DDHD1: variants seen among roughly 807,000 people sequenced by gnomAD.
DDHD1 encodes the protein DDHD domain containing 1, also known as phospholipase DDHD1.
DDHD1 carries 49 observed loss-of-function variants against 96.4 expected under a neutral mutation model. The observed-to-expected ratio is 0.51, with a 90% confidence interval of 0.40 to 0.64. DDHD1 has a LOEUF of 0.64. DDHD1 is among the 30% of genes least tolerant of loss of function. The pLI is 0.00. For synonymous variants in DDHD1, 442 were observed against 446.5 expected (o/e 0.99, Z 0.13); for missense variants, 1,106 against 1,161.2 (o/e 0.95, Z 0.69).
chr14:53,058,506 G>C lies in DDHD1; in HGVS notation c.1963C>G (p.Leu655Val). 1.2e-6 allele frequency: 2 copies of C among 1,612,972 alleles called. No individual in the cohort carries two copies. The highest frequency in any genetic ancestry group is 1.7e-6 in the Non-Finnish European group (2 of 1,179,706). Residue 655 changes from leucine to valine, a missense_variant, in exon 9 of 13, where the codon CTA (leucine) becomes GTA (valine). Leu to Val is a conservative substitution (Grantham distance 32, BLOSUM62 1). This residue lies in a region of DDHD1 where 650 missense variants were observed against 758.8 expected (regional missense o/e 0.86). Coordinates refer to ENST00000673822, the MANE Select transcript of DDHD1 (RefSeq NM_001160148.2). ...GGATCTGTAGGATGAAAAATATTTA[G>C]TAACCGGTTACAAATCTCTCTAGGC... ...ILPREICNRL[L>V]NIFHPTDPVA...
Position 53,061,060 on chromosome 14 carries a change from A to G in DDHD1, c.1842+66T>C, listed in dbSNP as rs549704051. 2.9e-6 allele frequency: 4 copies of G among 1,360,978 alleles called. No individual in the cohort carries two copies. In the South Asian group the frequency reaches 3.8e-5, roughly 13 times the overall value. 84.3% of individuals were successfully genotyped at this position (1,360,978 alleles called of 1,614,324 possible). On this transcript the variant is annotated intron_variant, in intron 8 of 12. Transcript: ENST00000673822. The stretch of plus-strand genomic sequence containing the variant: ...AAACTTTCATTTGAATCCTAAAGGC[A>G]TATTTCACATGACGTTAAAAAAAAT...
intron 1 of DDHD1, among the ~76,000 whole-genome samples, chr14:53,151,947 A>G (rs1359543012): frequency 6.6e-6 from 1 of 152,184 alleles, no homozygotes; most frequent in Non-Finnish European, 1.5e-5. Flanking sequence ...AGCTGGTAGG[A>G]TCACGAAATT....
At position 53,091,815 on chromosome 14, in the gene DDHD1, T is replaced by C; in HGVS notation, c.1259A>G (p.Asp420Gly). ...FVVHGIGQKM[D>G]QGRIIKNTAM... ...TGTATTTTTGATAATTCTTCCTTGG[T>C]CCATTTTCTGCCCAATGCCATGCAC... Residue 420 changes from aspartate (D) to glycine (G), a missense_variant, in exon 4 of 13, where the codon GAC becomes GGC. Coordinates refer to ENST00000673822, the MANE Select transcript of DDHD1 (RefSeq NM_001160148.2). 6.2e-7 allele frequency: 1 copy of C among 1,613,564 alleles called. No individual in the cohort carries two copies. The highest frequency in any genetic ancestry group is 1.1e-5 in the South Asian group (1 of 90,988).
intron 1 of DDHD1, among the ~76,000 whole-genome samples, chr14:53,146,288 G>A (rs1230025907): frequency 2.0e-5 from 3 of 151,936 alleles, no homozygotes; most frequent in Non-Finnish European, 4.4e-5. Flanking sequence ...TGAATTACTT[G>A]AGGTCAGGAG....
chr14:53,066,732 C>T (rs1032115462), intron 6 of DDHD1, among the ~76,000 whole-genome samples: 2 of 151,938 alleles, frequency 1.3e-5, no homozygotes, highest in Non-Finnish European at 2.9e-5. Context: ...TTTGGAAGGC[C>T]GAGGTGGGAG....
At chr14:53,152,124 A>AG in intron 1 of DDHD1, 137 bp downstream of exon 1, 13 of 842,678 alleles carry the variant, frequency 1.5e-5, no homozygotes, top group South Asian at 7.3e-5. Flanking sequence ...CTCCCTGCTC[A>AG]ATCTCCATCC....
chr14:53,092,478 T>C (rs980123164), intron 3 of DDHD1: 29 of 152,350 alleles, frequency 1.9e-4, no homozygotes, highest in African/African-American at 6.3e-4. Context: ...TTTACATTTA[T>C]TTTTTGATAA....
At chr14:53,093,688 T>G in intron 2 of DDHD1, 2 of 419,012 alleles carry the variant, frequency 4.8e-6, no homozygotes, top group South Asian at 2.6e-5. Context: ...ATTGAGTTAC[T>G]TAACTATCAT....
intron 6 of DDHD1, among the ~76,000 whole-genome samples, chr14:53,064,267 A>C (rs1205148081): frequency 6.6e-6 from 1 of 152,060 alleles, no homozygotes; most frequent in African/African-American, 2.4e-5. Flanking sequence ...TGTTTAGATA[A>C]AATAATTTCC....
At chr14:53,113,390 C>CAAAAAAAAAAA (rs60704615) in intron 1 of DDHD1, among the ~76,000 whole-genome samples, 3 of 118,262 alleles carry the variant, frequency 2.5e-5, no homozygotes, top group African/African-American at 7.8e-5. Context: ...CTGTACAAGC[C>CAAAAAAAAAAA]AAAAAAAAAA....
intron 11 of DDHD1, 120 bp from the exon 12 acceptor site, chr14:53,052,047 A>C (rs772532062): frequency 1.4e-6 from 1 of 697,974 alleles, no homozygotes; most frequent in Non-Finnish European, 2.4e-6. Flanking sequence ...AATCTAGCAT[A>C]CATAAAGTAG....
At chr14:53,111,371 A>G (rs1888090014) in intron 1 of DDHD1, among the ~76,000 whole-genome samples, 1 of 151,404 alleles carries the variant, frequency 6.6e-6, no homozygotes, top group Admixed American at 6.6e-5. Context: ...GGTAAAGACT[A>G]TATCCCATAA....
chr14:53,130,156 C>T (rs1293358595), intron 1 of DDHD1, among the ~76,000 whole-genome samples: 1 of 152,180 alleles, frequency 6.6e-6, no homozygotes, highest in Non-Finnish European at 1.5e-5. Flanking sequence ...TGCTCCCCCA[C>T]CCTATAATCT....
At chr14:53,061,227 C>T in intron 7 of DDHD1, 26 bp from the exon 8 acceptor site, 2 of 1,571,790 alleles carry the variant, frequency 1.3e-6, no homozygotes, top group Non-Finnish European at 1.7e-6. Flanking sequence ...AGATTATATA[C>T]ACACACGTAT....
rs897693809 is a variant in DDHD1 at position 53,054,422 on chromosome 14, T to A, written c.2437+16A>T. The A allele has an allele frequency of 6.2e-7, 1 of 1,609,140 alleles. No individual in the cohort carries two copies. The highest frequency in any genetic ancestry group is 8.5e-7 in the Non-Finnish European group (1 of 1,176,300). ...AAGATACAGTATCAACTTAAGGAAA[T>A]AATGTATGAACTAACATGCAGAATC... is the stretch of plus-strand genomic sequence containing the variant. On this transcript the variant is annotated intron_variant, in intron 11 of 12. Coordinates refer to ENST00000673822, the MANE Select transcript of DDHD1 (RefSeq NM_001160148.2).
chr14:53,147,825 T>C (rs777026398), intron 1 of DDHD1, among the ~76,000 whole-genome samples: 2 of 152,210 alleles, frequency 1.3e-5, no homozygotes, highest in African/African-American at 2.4e-5. Context: ...ACGATCCCTA[T>C]AGTCCTGCTT....
intron 1 of DDHD1, among the ~76,000 whole-genome samples, chr14:53,136,932 A>G (rs1890280413): frequency 1.3e-5 from 2 of 152,242 alleles, no homozygotes; most frequent in Admixed American, 1.3e-4. Flanking sequence ...AATTCAACAC[A>G]TACCCAGGAG....
chr14:53,072,780 C>A (rs1233041862), intron 5 of DDHD1, 77 bp from the exon 6 acceptor site: 2 of 874,450 alleles, frequency 2.3e-6, no homozygotes, highest in South Asian at 2.0e-5. Flanking sequence ...AAGAAAATTA[C>A]GTTGCCTGAA....
At chr14:53,057,655 T>C (rs1160316341) in intron 9 of DDHD1, among the ~76,000 whole-genome samples, 1 of 152,236 alleles carries the variant, frequency 6.6e-6, no homozygotes, top group Non-Finnish European at 1.5e-5. Context: ...GAAAGTCCAG[T>C]AGACTCCTGT....
Sources: allele counts gnomAD v4.1 joint callset (sites outside exome capture counted in the v4.1 genomes callset), GRCh38; gene constraint gnomAD v4.1.1; regional missense constraint gnomAD v4.1.1; transcripts MANE v1.5; gene names NCBI Gene and HGNC (gene_info 2026-07-23, HGNC 2026-07-21).